The following PPM1D variants were observed in gnomAD, a reference collection of about 807,000 sequenced individuals.
The protein encoded by PPM1D is protein phosphatase 1D.
Under a neutral mutation model 58.3 loss-of-function variants are expected in PPM1D, and 52 were observed. The ratio of observed to expected loss-of-function variants is 0.89; its 90% CI spans 0.71 to 1.12. PPM1D has a LOEUF of 1.12. Among genes scored for constraint, PPM1D ranks in the 50% most tolerant of loss-of-function variants. PPM1D has a pLI of 0.00. For synonymous variants in PPM1D, 278 were observed against 285.1 expected, an observed-to-expected ratio of 0.98 and a Z score of 0.25; for missense variants, 564 against 777.2, an observed-to-expected ratio of 0.73 and a Z score of 3.26.
At chr17:60,602,487 G>T (rs1259137292) in intron 1 of PPM1D, among the ~76,000 whole-genome samples, 1 of 150,774 alleles carries the variant, frequency 6.6e-6, no homozygotes, top group African/African-American at 2.4e-5. Flanking sequence ...TTACTTTGTT[G>T]CCCAGGCTGG....
At chr17:60,630,690 A>G (rs1167340519) in intron 2 of PPM1D, among the ~76,000 whole-genome samples, 1 of 152,188 alleles carries the variant, frequency 6.6e-6, no homozygotes, top group African/African-American at 2.4e-5. Flanking sequence ...AACCAGTATC[A>G]TTATTTGTCT....
chr17:60,654,861 T>A, intron 4 of PPM1D, among the ~76,000 whole-genome samples: 1 of 129,506 alleles, frequency 7.7e-6, no homozygotes. Context: ...AGAGCAAAAC[T>A]CCATCTCAAA....
intron 1 of PPM1D, among the ~76,000 whole-genome samples, chr17:60,608,549 G>A (rs977370635): frequency 2.6e-5 from 4 of 151,894 alleles, no homozygotes; most frequent in Non-Finnish European, 4.4e-5. Context: ...TGAGATCAAC[G>A]ACACTGCACT....
At chr17:60,648,471 G>A (rs1192548256) in intron 4 of PPM1D, among the ~76,000 whole-genome samples, 1 of 147,628 alleles carries the variant, frequency 6.8e-6, no homozygotes, top group Admixed American at 7.0e-5. Context: ...TGCAAGCTCC[G>A]CCTCCTGAGT....
At chr17:60,657,423 G>A (rs925370558) in intron 5 of PPM1D, among the ~76,000 whole-genome samples, 1 of 152,060 alleles carries the variant, frequency 6.6e-6, no homozygotes, top group Non-Finnish European at 1.5e-5. Flanking sequence ...TCAAATACTT[G>A]GTTGTGTTTT....
intron 5 of PPM1D, 163 bp downstream of exon 5, chr17:60,657,004 A>G: frequency 6.5e-7 from 1 of 1,545,652 alleles, no homozygotes; most frequent in South Asian, 1.2e-5. Flanking sequence ...CATCAATACT[A>G]ATCTGAATGC....
At chr17:60,611,019 A>AT (rs2030442387) in intron 1 of PPM1D, among the ~76,000 whole-genome samples, 1 of 152,144 alleles carries the variant, frequency 6.6e-6, no homozygotes, top group South Asian at 2.1e-4. Context: ...GATTGAGTAC[A>AT]TTATTATTTT....
chr17:60,662,896 C>A, intron 5 of PPM1D, 99 bp from the exon 6 acceptor site: 1 of 1,173,750 alleles, frequency 8.5e-7, no homozygotes, highest in Non-Finnish European at 1.2e-6. Context: ...CCGTTTTTGC[C>A]ATCCTACTAG....
intron 3 of PPM1D, among the ~76,000 whole-genome samples, chr17:60,644,202 C>T (rs996096970): frequency 2.6e-5 from 4 of 151,894 alleles, no homozygotes; most frequent in Non-Finnish European, 5.9e-5. Flanking sequence ...GAACTCTTCA[C>T]AGTTGTCAAT....
chr17:60,626,108 AT>A (rs962499725), intron 2 of PPM1D, among the ~76,000 whole-genome samples: 11 of 151,436 alleles, frequency 7.3e-5, no homozygotes, highest in African/African-American at 1.7e-4. Flanking sequence ...TTTATTTCTA[AT>A]TTTTTTTTGT....
In PPM1D at chr17:60,625,691, T is replaced by C. The variant is rs74369377; in HGVS notation, c.701+1942T>C. ...AGAGTAATATGAACTCCCATGTATA[T>C]GGGGAAGGTTTAATGATAGAGGAAA... On this transcript the variant is annotated intron_variant, in intron 2 of 5. Transcript: ENST00000305921. Among the ~76,000 whole-genome samples the C allele has an allele frequency of 1.5e-3, 230 of 152,240 alleles. 3 individuals are homozygous for C. In the East Asian group the frequency reaches 0.033, roughly 22 times the overall value.
intron 2 of PPM1D, among the ~76,000 whole-genome samples, chr17:60,625,718 T>C (rs2030792545): frequency 1.3e-5 from 2 of 152,150 alleles, no homozygotes; most frequent in Non-Finnish European, 2.9e-5. Context: ...TAGAGGAAAA[T>C]GTTTATGGTC....
At chr17:60,612,443 G>A (rs1401209528) in intron 1 of PPM1D, among the ~76,000 whole-genome samples, 2 of 152,182 alleles carry the variant, frequency 1.3e-5, no homozygotes, top group East Asian at 3.9e-4. Context: ...GTTGCTCCTA[G>A]GCTACAAACC....
chr17:60,635,340 C>T (rs752945673), intron 3 of PPM1D, among the ~76,000 whole-genome samples: 1 of 151,872 alleles, frequency 6.6e-6, no homozygotes, highest in East Asian at 1.9e-4. Flanking sequence ...CTCAGCCTCC[C>T]GAGTAGCTGG....
intron 3 of PPM1D, among the ~76,000 whole-genome samples, chr17:60,635,960 G>A (rs2031015977): frequency 6.6e-6 from 1 of 152,172 alleles, no homozygotes; most frequent in Non-Finnish European, 1.5e-5. Flanking sequence ...GGTCTCTTGT[G>A]TAGCTGCAAT....
intron 1 of PPM1D, among the ~76,000 whole-genome samples, chr17:60,620,349 G>T (rs1483595705): frequency 6.6e-6 from 1 of 152,068 alleles, no homozygotes; most frequent in East Asian, 1.9e-4. Flanking sequence ...CTATTGAGTT[G>T]TATGATTTCC....
intron 1 of PPM1D, among the ~76,000 whole-genome samples, chr17:60,614,073 G>T (rs1359811088): frequency 6.6e-6 from 1 of 151,188 alleles, no homozygotes; most frequent in Non-Finnish European, 1.5e-5. Context: ...CCCGGTGCGG[G>T]ATCCACTGCA....
intron 3 of PPM1D, among the ~76,000 whole-genome samples, chr17:60,638,109 C>T (rs144864563): frequency 2.6e-5 from 4 of 152,112 alleles, no homozygotes; most frequent in East Asian, 3.9e-4. Context: ...TTTGATACAG[C>T]GAGTTTTTAG....
chr17:60,659,681 T>C (rs1206742689), intron 5 of PPM1D, among the ~76,000 whole-genome samples: 1 of 152,226 alleles, frequency 6.6e-6, no homozygotes, highest in Non-Finnish European at 1.5e-5. Flanking sequence ...GCAGTGAACT[T>C]TTTTAAAGTA....
Sources: gnomAD v4.1 joint callset for allele counts (sites outside exome capture counted in the v4.1 genomes callset) on GRCh38, gnomAD v4.1.1 for gene constraint, MANE v1.5 for transcripts, NCBI Gene and HGNC (gene_info 2026-07-23, HGNC 2026-07-21) for gene names.